The following CNTNAP2 variants were observed in gnomAD, a reference collection of about 807,000 sequenced individuals.
CNTNAP2 encodes contactin-associated protein-like 2.
CNTNAP2 carries 98 observed loss-of-function variants against 155.2 expected under a neutral mutation model. The observed-to-expected ratio is 0.63, with a 90% CI of 0.54 to 0.75. The LOEUF is 0.75. Ranked by LOEUF, CNTNAP2 falls within the 30% of genes least tolerant of loss-of-function variation. The pLI is 0.00. For synonymous variants in CNTNAP2, 651 were observed against 631.2 expected, an observed-to-expected ratio of 1.03 and a Z score of -0.47; for missense variants, 1,727 against 1,688.1, an observed-to-expected ratio of 1.02 and a Z score of -0.40.
At chr7:148,272,481 T>C (rs1796799446) in intron 21 of CNTNAP2, among the ~76,000 whole-genome samples, 1 of 152,166 alleles carries the variant, frequency 6.6e-6, no homozygotes, top group African/African-American at 2.4e-5. Context: ...AAGACACAAG[T>C]AGCATGTTTA....
In CNTNAP2 at chr7:148,387,452, A is replaced by G. The variant is rs1159527782; in HGVS notation, c.3715+3564A>G. 2.6e-5 allele frequency among the ~76,000 whole-genome samples: 4 copies of G among 152,122 alleles called. No individual in the cohort carries two copies. In the East Asian group the frequency reaches 7.8e-4, roughly 29 times the overall value. The stretch of plus-strand genomic sequence containing the variant: ...TTGAGTCTGTGTAGGGTTAGGATGG[A>G]AAGAAAATAACATGAGAGCTCGTGA... On this transcript the variant is annotated intron_variant, in intron 22 of 23. Coordinates refer to ENST00000361727, the MANE Select transcript of CNTNAP2 (RefSeq NM_014141.6).
intron 3 of CNTNAP2, among the ~76,000 whole-genome samples, chr7:146,871,119 A>G (rs1455552358): frequency 6.6e-6 from 1 of 152,214 alleles, no homozygotes; most frequent in African/African-American, 2.4e-5. Context: ...AAAGCATTTC[A>G]GGAGTGATTT....
intron 1 of CNTNAP2, among the ~76,000 whole-genome samples, chr7:146,580,080 G>A (rs1798588568): frequency 2.0e-5 from 3 of 152,178 alleles, no homozygotes; most frequent in Middle Eastern, 3.4e-3. Flanking sequence ...TTTTCAGTAA[G>A]CAGTTAAAAA....
chr7:147,325,114 C>A (rs1197800453), intron 9 of CNTNAP2, among the ~76,000 whole-genome samples: 1 of 152,024 alleles, frequency 6.6e-6, no homozygotes, highest in Non-Finnish European at 1.5e-5. Context: ...ACCAGCCTGG[C>A]CAATATGGTG....
At chr7:147,289,662 T>C (rs1250652360) in intron 8 of CNTNAP2, among the ~76,000 whole-genome samples, 1 of 152,198 alleles carries the variant, frequency 6.6e-6, no homozygotes, top group Non-Finnish European at 1.5e-5. Flanking sequence ...TTTTGAAGTA[T>C]AGTGATGTTT....
chr7:147,755,453 G>C (rs1323066367), intron 13 of CNTNAP2, among the ~76,000 whole-genome samples: 1 of 152,162 alleles, frequency 6.6e-6, no homozygotes, highest in Non-Finnish European at 1.5e-5. Context: ...CCAGGAGTTT[G>C]AGACCAACCT....
chr7:146,733,415 C>CA (rs1241899684), intron 1 of CNTNAP2, among the ~76,000 whole-genome samples: 6 of 146,806 alleles, frequency 4.1e-5, no homozygotes, highest in East Asian at 2.3e-4. Context: ...TAATTAACTG[C>CA]AAAAAACAAA....
chr7:147,711,553 G>A (rs545490520), intron 13 of CNTNAP2, among the ~76,000 whole-genome samples: 3 of 152,296 alleles, frequency 2.0e-5, no homozygotes, highest in South Asian at 4.1e-4. Context: ...TAGGAGGTCA[G>A]GAACGATGGG....
At chr7:146,154,653 A>G (rs1400470549) in intron 1 of CNTNAP2, among the ~76,000 whole-genome samples, 1 of 152,192 alleles carries the variant, frequency 6.6e-6, no homozygotes, top group Non-Finnish European at 1.5e-5. Context: ...AGCATATGCT[A>G]CAGAAACATA....
chr7:147,955,169 A>G (rs1281934524), intron 14 of CNTNAP2, among the ~76,000 whole-genome samples: 1 of 152,246 alleles, frequency 6.6e-6, no homozygotes, highest in African/African-American at 2.4e-5. Context: ...AGCAATAATG[A>G]TCACACTTTT....
chr7:146,457,933 G>A (rs529783759), intron 1 of CNTNAP2, among the ~76,000 whole-genome samples: 1 of 152,150 alleles, frequency 6.6e-6, no homozygotes, highest in South Asian at 2.1e-4. Flanking sequence ...TCAACAATGA[G>A]TTACTGTCAT....
At chr7:147,366,805 ACACACACC>A (rs142901603) in intron 9 of CNTNAP2, among the ~76,000 whole-genome samples, 25,365 of 150,134 alleles carry the variant, frequency 0.17, 2,618 homozygotes, top group Non-Finnish European at 0.24. Context: ...ACACACACAC[ACACACACC>A]CCAATGTTTA....
intron 1 of CNTNAP2, among the ~76,000 whole-genome samples, chr7:146,331,227 C>T (rs1392008997): frequency 6.6e-6 from 1 of 151,224 alleles, no homozygotes; most frequent in Non-Finnish European, 1.5e-5. Context: ...TGGCGTGAAC[C>T]CGGGAAGCGG....
chr7:147,708,519 A>T (rs1796352468), intron 13 of CNTNAP2, among the ~76,000 whole-genome samples: 1 of 151,914 alleles, frequency 6.6e-6, no homozygotes, highest in African/African-American at 2.4e-5. Context: ...AGAGGGTGTG[A>T]CTCAGCTTGA....
At chr7:146,729,938 T>G (rs191277436) in intron 1 of CNTNAP2, among the ~76,000 whole-genome samples, 160 of 152,260 alleles carry the variant, frequency 1.1e-3, no homozygotes, top group African/African-American at 3.6e-3. Context: ...AGGTAATCAA[T>G]CTTAACAATT....
intron 13 of CNTNAP2, among the ~76,000 whole-genome samples, chr7:147,736,842 G>A (rs112289797): frequency 0.18 from 27,558 of 152,160 alleles, 2,972 homozygotes; most frequent in Middle Eastern, 0.38. Flanking sequence ...CATTCGTCAC[G>A]TAGTTCTCGT....
At chr7:146,905,912 A>G (rs565880330) in intron 3 of CNTNAP2, among the ~76,000 whole-genome samples, 301 of 152,304 alleles carry the variant, frequency 2.0e-3, no homozygotes, top group African/African-American at 6.6e-3. Flanking sequence ...AGGGAGTGCC[A>G]GACAGTGGGC....
chr7:146,945,157 T>C (rs1479124103), intron 3 of CNTNAP2, among the ~76,000 whole-genome samples: 14 of 152,216 alleles, frequency 9.2e-5, no homozygotes, highest in Admixed American at 9.2e-4. Context: ...CAGAACTGCA[T>C]GTGTAAAAAC....
At chr7:147,184,410 A>C (rs1802523859) in intron 8 of CNTNAP2, among the ~76,000 whole-genome samples, 1 of 152,178 alleles carries the variant, frequency 6.6e-6, no homozygotes. Context: ...AATTGAGATG[A>C]AGTTTCATCT....
Sources: allele counts gnomAD v4.1 joint callset (sites outside exome capture counted in the v4.1 genomes callset), GRCh38; gene constraint gnomAD v4.1.1; transcripts MANE v1.5; gene names NCBI Gene and HGNC (gene_info 2026-07-23, HGNC 2026-07-21).